Variants in CALN1 observed in about 807,000 individuals in gnomAD.
CALN1 encodes calneuron 1.
CALN1 carries 17 observed loss-of-function variants against 30.6 expected under a neutral mutation model. The observed-to-expected ratio is 0.56, with a 90% CI of 0.38 to 0.83. CALN1 has a LOEUF of 0.83. CALN1 is among the 40% of genes least tolerant of loss of function. The probability of loss-of-function intolerance (pLI) is 0.00; values close to 1 mark genes in which losing one functional copy is unlikely to be tolerated. For synonymous variants in CALN1, 156 were observed against 131.4 expected (o/e 1.19, Z -1.28); for missense variants, 291 against 354.9 (o/e 0.82, Z 1.45).
chr7:71,846,911 T>TATATGTATATATAATATATACAC (rs1790290886), intron 5 of CALN1, among the ~76,000 whole-genome samples: 4 of 137,432 alleles, frequency 2.9e-5, no homozygotes, highest in Non-Finnish European at 6.7e-5. Context: ...AATATATACA[T>TATATGTATATATAATATATACAC]ACATATATGT....
At chr7:72,054,711 G>A (rs569894558) in intron 4 of CALN1, among the ~76,000 whole-genome samples, 3 of 151,950 alleles carry the variant, frequency 2.0e-5, no homozygotes, top group African/African-American at 4.8e-5. Context: ...GCTAAATGAT[G>A]AGAACACATG....
chr7:72,062,520 A>AG (rs1462278897), intron 4 of CALN1, among the ~76,000 whole-genome samples: 1 of 148,444 alleles, frequency 6.7e-6, no homozygotes, highest in Non-Finnish European at 1.5e-5. Flanking sequence ...TCAAAAAAAA[A>AG]AAAAAAAAAA....
At chr7:71,837,848 A>G (rs956060523) in intron 5 of CALN1, among the ~76,000 whole-genome samples, 1 of 152,192 alleles carries the variant, frequency 6.6e-6, no homozygotes, top group African/African-American at 2.4e-5. Flanking sequence ...TGAAAAACCA[A>G]TAATTTTACC....
chr7:71,960,320 T>A (rs1318114706), intron 5 of CALN1, among the ~76,000 whole-genome samples: 1 of 152,112 alleles, frequency 6.6e-6, no homozygotes, highest in African/African-American at 2.4e-5. Flanking sequence ...AAATCTTACT[T>A]CCGTCCCAGC....
intron 5 of CALN1, among the ~76,000 whole-genome samples, chr7:71,894,288 C>T (rs1793418593): frequency 6.6e-6 from 1 of 152,096 alleles, no homozygotes; most frequent in African/African-American, 2.4e-5. Context: ...CTCACTTATT[C>T]CTTCTATCCC....
intron 6 of CALN1, among the ~76,000 whole-genome samples, chr7:71,802,497 C>G (rs965625834): frequency 2.0e-5 from 3 of 152,156 alleles, no homozygotes. Context: ...GGGTCTTGCT[C>G]TGTTGCCCAG....
At chr7:72,059,828 T>A (rs1458022904) in intron 4 of CALN1, among the ~76,000 whole-genome samples, 1 of 151,914 alleles carries the variant, frequency 6.6e-6, no homozygotes, top group Non-Finnish European at 1.5e-5. Context: ...TTCTGAGAGG[T>A]TCTGATGATG....
intron 3 of CALN1, among the ~76,000 whole-genome samples, chr7:72,124,765 G>C (rs1584992480): frequency 6.7e-6 from 1 of 149,490 alleles, no homozygotes; most frequent in East Asian, 1.9e-4. Flanking sequence ...TGAAGATAAA[G>C]ACAACCTGAA....
chr7:71,971,697 A>G (rs1797809371), intron 5 of CALN1, among the ~76,000 whole-genome samples: 1 of 151,796 alleles, frequency 6.6e-6, no homozygotes, highest in Non-Finnish European at 1.5e-5. Flanking sequence ...TGGGACTTTG[A>G]GAACAGCCCG....
intron 3 of CALN1, among the ~76,000 whole-genome samples, chr7:72,260,392 A>G (rs2521203): frequency 0.029 from 4,450 of 152,300 alleles, 123 homozygotes; most frequent in African/African-American, 0.078. Flanking sequence ...ATCACTACTC[A>G]TAAACACACA....
chr7:72,473,680 C>A, the CALN1 span, among the ~76,000 whole-genome samples: 1 of 151,998 alleles, frequency 6.6e-6, no homozygotes, highest in African/African-American at 2.4e-5. Context: ...TGCCTGTAAT[C>A]CCAGCACTTT....
At chr7:72,201,089 C>G (rs189574283) in intron 3 of CALN1, among the ~76,000 whole-genome samples, 1 of 152,146 alleles carries the variant, frequency 6.6e-6, no homozygotes, top group African/African-American at 2.4e-5. Context: ...ACATACTATG[C>G]AGCTGTAAAA....
intron 3 of CALN1, among the ~76,000 whole-genome samples, chr7:72,273,592 T>C (rs948038995): frequency 6.6e-6 from 1 of 150,606 alleles, no homozygotes; most frequent in African/African-American, 2.4e-5. Flanking sequence ...AATCATAGCT[T>C]ACAGTAGCCT....
At chr7:71,897,428 C>G (rs1793590834) in intron 5 of CALN1, among the ~76,000 whole-genome samples, 1 of 151,976 alleles carries the variant, frequency 6.6e-6, no homozygotes. Context: ...TTGGAAGAAC[C>G]AAGCACTTGC....
chr7:71,877,641 A>G (rs1003283311), intron 5 of CALN1, among the ~76,000 whole-genome samples: 4 of 147,728 alleles, frequency 2.7e-5, no homozygotes, highest in Admixed American at 2.0e-4. Context: ...CCTTTATAAA[A>G]AAAAAACGAT....
At chr7:72,040,341 C>T (rs1000462726) in intron 4 of CALN1, among the ~76,000 whole-genome samples, 3 of 151,440 alleles carry the variant, frequency 2.0e-5, no homozygotes, top group African/African-American at 7.3e-5. Flanking sequence ...AAAAAATAGC[C>T]AGCTGTGATG....
At chr7:72,305,984 T>C (rs1223535041) in intron 2 of CALN1, among the ~76,000 whole-genome samples, 2 of 152,152 alleles carry the variant, frequency 1.3e-5, no homozygotes, top group Admixed American at 1.3e-4. Context: ...AGACATCATC[T>C]AAACTTAATT....
At chr7:72,163,440 C>T (rs1268486046) in intron 3 of CALN1, among the ~76,000 whole-genome samples, 3 of 126,428 alleles carry the variant, frequency 2.4e-5, no homozygotes, top group Non-Finnish European at 3.5e-5. Flanking sequence ...GTGGAAAACA[C>T]AGTCAATAGA....
At chr7:71,972,816 C>G (rs969050439) in intron 5 of CALN1, among the ~76,000 whole-genome samples, 11 of 152,164 alleles carry the variant, frequency 7.2e-5, no homozygotes, top group Non-Finnish European at 1.5e-4. Context: ...TCAGCTGTAA[C>G]CAGGAGAGGC....
Sources: gnomAD v4.1 joint callset for allele counts (sites outside exome capture counted in the v4.1 genomes callset) on GRCh38, gnomAD v4.1.1 for gene constraint, MANE v1.5 for transcripts, NCBI Gene and HGNC (gene_info 2026-07-23, HGNC 2026-07-21) for gene names.